FRMD4A: variants seen among roughly 807,000 people sequenced by gnomAD.
The protein encoded by FRMD4A is FERM domain containing 4A.
A neutral mutation model predicts 129.1 loss-of-function variants in FRMD4A; 29 were observed. The observed-to-expected ratio is 0.22, with a 90% CI of 0.17 to 0.31. FRMD4A has a LOEUF of 0.31. Among genes scored for constraint, FRMD4A ranks in the 10% least tolerant of loss-of-function variants. The pLI is 1.00. For missense variants in FRMD4A, 1,272 were observed against 1,375.8 expected (o/e 0.92, Z 1.19); for synonymous variants, 634 against 571.6 (o/e 1.11, Z -1.56).
chr10:13,870,048 T>C (rs973153340), intron 2 of FRMD4A, among the ~76,000 whole-genome samples: 1 of 152,160 alleles, frequency 6.6e-6, no homozygotes, highest in African/African-American at 2.4e-5. Context: ...GGGAAGGGAA[T>C]AGAGCCTAAT....
intron 2 of FRMD4A, among the ~76,000 whole-genome samples, chr10:14,316,570 G>C (rs1846750720): frequency 6.6e-6 from 1 of 150,576 alleles, no homozygotes; most frequent in Admixed American, 6.6e-5. Context: ...ATCAGTGCTT[G>C]AGTCTTTTTC....
At chr10:14,200,302 AT>A (rs36091861) in intron 2 of FRMD4A, among the ~76,000 whole-genome samples, 1 of 146,890 alleles carries the variant, frequency 6.8e-6, no homozygotes, top group Non-Finnish European at 1.5e-5. Context: ...ATAATTTCTT[AT>A]TTTTTTGAGA....
chr10:14,139,552 C>A (rs1013132015), intron 2 of FRMD4A, among the ~76,000 whole-genome samples: 1 of 152,078 alleles, frequency 6.6e-6, no homozygotes, highest in Non-Finnish European at 1.5e-5. Flanking sequence ...TGGGCTCAGG[C>A]AATCCTCCTA....
intron 24 of FRMD4A, chr10:13,648,518 C>T (rs72767566): frequency 0.095 from 14,421 of 152,224 alleles, 947 homozygotes; most frequent in Non-Finnish European, 0.14. Context: ...AGGAACCCAA[C>T]GGGGCCGGGC....
intron 19 of FRMD4A, among the ~76,000 whole-genome samples, chr10:13,662,444 A>T (rs527536464): frequency 4.6e-5 from 7 of 152,270 alleles, no homozygotes; most frequent in African/African-American, 1.7e-4. Context: ...AGGTTTCCAT[A>T]CAGGGCAAAA....
intron 2 of FRMD4A, among the ~76,000 whole-genome samples, chr10:14,094,833 C>T (rs1286980688): frequency 6.6e-6 from 1 of 152,282 alleles, no homozygotes; most frequent in South Asian, 2.1e-4. Context: ...CTGCCATTGG[C>T]CCATGTGTGT....
At position 14,330,644 on chromosome 10, in the gene FRMD4A, C is replaced by CT; in HGVS notation, c.-130dup. On this transcript the variant is annotated 5_prime_UTR_variant, in exon 1 of 25. It removes the in-frame stop codon of an upstream open reading frame in the 5' UTR. Coordinates refer to ENST00000357447, the MANE Select transcript of FRMD4A (RefSeq NM_018027.5). Reference sequence around the variant, plus strand: ...TTCTTTGCTGCAGATAGGTGTGTCCCTTTTTGCAAAATCAGATATCTGGGA... The same window carrying CT: ...TTCTTTGCTGCAGATAGGTGTGTCCCTTTTTTGCAAAATCAGATATCTGGGA... 5.0e-6 allele frequency: 2 copies of CT among 397,750 alleles called. No individual in the cohort carries two copies. The highest frequency in any genetic ancestry group is 6.3e-4 in the Middle Eastern group (1 of 1,584). 24.6% of individuals were successfully genotyped at this position (397,750 alleles called of 1,614,324 possible).
chr10:14,059,007 A>G (rs1292457567), intron 2 of FRMD4A, among the ~76,000 whole-genome samples: 1 of 151,928 alleles, frequency 6.6e-6, no homozygotes, highest in African/African-American at 2.4e-5. Flanking sequence ...TTTGGATATA[A>G]CTGAGGAGAA....
intron 12 of FRMD4A, among the ~76,000 whole-genome samples, chr10:13,710,992 C>T (rs946984357): frequency 4.6e-5 from 7 of 152,184 alleles, no homozygotes; most frequent in East Asian, 1.9e-4. Flanking sequence ...CCAGCCTGGG[C>T]GACACAGCAA....
intron 3 of FRMD4A, among the ~76,000 whole-genome samples, chr10:13,847,325 C>T (rs918785224): frequency 1.3e-5 from 2 of 152,110 alleles, no homozygotes; most frequent in Admixed American, 6.5e-5. Flanking sequence ...CTGTGCTGGG[C>T]AAGCCAGGAA....
chr10:14,200,038 T>G (rs1698137690), intron 2 of FRMD4A, among the ~76,000 whole-genome samples: 1 of 149,572 alleles, frequency 6.7e-6, no homozygotes, highest in Admixed American at 6.6e-5. Flanking sequence ...GTTTTTTTTT[T>G]TTTGGAGACA....
At chr10:13,905,583 GATA>G (rs923239441) in intron 2 of FRMD4A, among the ~76,000 whole-genome samples, 24 of 152,170 alleles carry the variant, frequency 1.6e-4, no homozygotes, top group Admixed American at 8.5e-4. Context: ...TAATAATAGT[GATA>G]ATAATAATAA....
intron 2 of FRMD4A, among the ~76,000 whole-genome samples, chr10:14,185,097 GATC>G (rs985288421): frequency 2.0e-5 from 3 of 152,180 alleles, no homozygotes; most frequent in African/African-American, 7.2e-5. Flanking sequence ...TCCATATGCT[GATC>G]ATCTTTTGCC....
At chr10:13,737,165 C>T (rs1413655521) in intron 12 of FRMD4A, among the ~76,000 whole-genome samples, 1 of 152,216 alleles carries the variant, frequency 6.6e-6, no homozygotes, top group Non-Finnish European at 1.5e-5. Flanking sequence ...TCCTGGCTCA[C>T]TGCAATCTCC....
At position 13,693,920 on chromosome 10, in the gene FRMD4A, G is replaced by T; in HGVS notation, c.1095C>A (p.Ser365Arg). ...MGSKGKIISGSSGSLLSSGSQ... is the reference protein window; with the variant it reads ...MGSKGKIISGRSGSLLSSGSQ... ...TACCTGAAGACAGCAGGCTGCCGCT[G>T]CTGCCGCTGATGATCTTCCCCTTGC... Residue 365 changes from serine to arginine, a missense_variant, in exon 15 of 25, where the codon AGC becomes AGA. Ser to Arg is a moderately radical substitution (Grantham distance 110). Coordinates refer to ENST00000357447, the MANE Select transcript of FRMD4A (RefSeq NM_018027.5). 1 of 1,607,648 alleles carries T rather than the reference G, an allele frequency of 6.2e-7. No individual in the cohort carries two copies. Among genetic ancestry groups the T allele is most frequent in the East Asian group, 2.2e-5 (1 of 44,800 alleles).
chr10:13,766,477 G>A (rs2092290341), intron 6 of FRMD4A, among the ~76,000 whole-genome samples: 1 of 152,158 alleles, frequency 6.6e-6, no homozygotes, highest in Non-Finnish European at 1.5e-5. Flanking sequence ...AAATCTGATG[G>A]AAAGAGCTGC....
At chr10:13,672,212 A>G (rs1208947162) in intron 16 of FRMD4A, among the ~76,000 whole-genome samples, 1 of 152,180 alleles carries the variant, frequency 6.6e-6, no homozygotes, top group Non-Finnish European at 1.5e-5. Flanking sequence ...CGTGGACTTT[A>G]TATTCCTCAA....
chr10:14,148,705 T>C (rs1327139342), intron 2 of FRMD4A, among the ~76,000 whole-genome samples: 1 of 150,146 alleles, frequency 6.7e-6, no homozygotes, highest in Non-Finnish European at 1.5e-5. Flanking sequence ...GAGGTTGCAG[T>C]AAGCCGAGAT....
At chr10:14,326,961 G>A (rs970008048) in intron 2 of FRMD4A, 7 of 398,498 alleles carry the variant, frequency 1.8e-5, no homozygotes, top group South Asian at 1.3e-4. Flanking sequence ...CCCCCCTTCC[G>A]TGGTCATATG....
Sources: gnomAD v4.1 joint callset for allele counts (sites outside exome capture counted in the v4.1 genomes callset) on GRCh38, gnomAD v4.1.1 for gene constraint, MANE v1.5 for transcripts, NCBI Gene and HGNC (gene_info 2026-07-23, HGNC 2026-07-21) for gene names.